The following SDCCAG8 variants were observed in gnomAD, a reference collection of about 807,000 sequenced individuals.
The protein encoded by SDCCAG8 is serologically defined colon cancer antigen 8.
A neutral mutation model predicts 101.8 loss-of-function variants in SDCCAG8; 74 were observed. That is an observed-to-expected ratio of 0.73 (90% CI 0.60 to 0.88). The LOEUF (loss-of-function observed/expected upper bound fraction) is 0.88. Among genes scored for constraint, SDCCAG8 ranks in the 40% least tolerant of loss-of-function variants. The pLI, the probability that SDCCAG8 is intolerant of heterozygous loss-of-function variation, is 0.00. For synonymous variants in SDCCAG8, 281 were observed against 292.9 expected (o/e 0.96, Z 0.41); for missense variants, 787 against 822.6 (o/e 0.96, Z 0.53).
At chr1:243,295,471 C>T (rs950461746) in intron 6 of SDCCAG8, among the ~76,000 whole-genome samples, 4 of 152,098 alleles carry the variant, frequency 2.6e-5, no homozygotes, top group Admixed American at 1.3e-4. Flanking sequence ...CTCCTGACCT[C>T]GTAATCCACC....
intron 12 of SDCCAG8, among the ~76,000 whole-genome samples, chr1:243,368,653 C>T (rs2077122121): frequency 6.6e-6 from 1 of 152,090 alleles, no homozygotes; most frequent in Non-Finnish European, 1.5e-5. Context: ...GTCTTTCCTA[C>T]AGATACAGTA....
intron 16 of SDCCAG8, among the ~76,000 whole-genome samples, chr1:243,480,262 C>T (rs1367549317): frequency 2.0e-5 from 3 of 146,570 alleles, no homozygotes; most frequent in Non-Finnish European, 4.5e-5. Context: ...GGCAGCTGGA[C>T]TTCAAGAGTG....
intron 17 of SDCCAG8, among the ~76,000 whole-genome samples, chr1:243,489,772 A>G (rs1665921429): frequency 6.6e-6 from 1 of 152,204 alleles, no homozygotes; most frequent in South Asian, 2.1e-4. Context: ...GCTGGCAAGT[A>G]GGGACACCGC....
At chr1:243,347,117 G>A (rs1444694525) in intron 12 of SDCCAG8, among the ~76,000 whole-genome samples, 2 of 151,156 alleles carry the variant, frequency 1.3e-5, no homozygotes, top group African/African-American at 2.4e-5. Flanking sequence ...TGTCCTCATC[G>A]TCACCTTCAT....
chr1:243,462,048 G>T (rs1659226438), intron 16 of SDCCAG8, among the ~76,000 whole-genome samples: 2 of 152,138 alleles, frequency 1.3e-5, no homozygotes, highest in South Asian at 4.1e-4. Flanking sequence ...TTATCCCATT[G>T]GTTCTTTACT....
intron 4 of SDCCAG8, among the ~76,000 whole-genome samples, chr1:243,276,043 T>G (rs898190430): frequency 5.3e-5 from 8 of 152,024 alleles, no homozygotes; most frequent in Admixed American, 4.6e-4. Flanking sequence ...TTTGTATTTT[T>G]TGTAGAGACG....
chr1:243,349,706 A>G (rs2075974298), intron 12 of SDCCAG8, among the ~76,000 whole-genome samples: 2 of 152,228 alleles, frequency 1.3e-5, no homozygotes, highest in Non-Finnish European at 2.9e-5. Flanking sequence ...TATTAGTGGC[A>G]CATGACTTAC....
chr1:243,345,869 A>T (rs1317833892), intron 12 of SDCCAG8, among the ~76,000 whole-genome samples: 1 of 152,234 alleles, frequency 6.6e-6, no homozygotes, highest in Non-Finnish European at 1.5e-5. Flanking sequence ...AGGATTTACA[A>T]GGAGCAGTTT....
chr1:243,307,616 C>CT (rs2072285003), intron 7 of SDCCAG8: 1 of 984,986 alleles, frequency 1.0e-6, no homozygotes, highest in African/African-American at 1.7e-5. Flanking sequence ...TACCCCACCC[C>CT]TTTTTTAAGG....
chr1:243,348,011 G>C (rs2075819857), intron 12 of SDCCAG8, among the ~76,000 whole-genome samples: 1 of 149,110 alleles, frequency 6.7e-6, no homozygotes, highest in African/African-American at 2.5e-5. Flanking sequence ...ACCAACCCAG[G>C]CTGGACATGC....
intron 12 of SDCCAG8, among the ~76,000 whole-genome samples, chr1:243,371,533 A>C (rs1361773433): frequency 6.6e-6 from 1 of 152,172 alleles, no homozygotes; most frequent in African/African-American, 2.4e-5. Flanking sequence ...AGCTGGTATC[A>C]GTGTTACTAT....
At chr1:243,340,109 C>A (rs1402367987) in intron 10 of SDCCAG8, among the ~76,000 whole-genome samples, 4 of 152,114 alleles carry the variant, frequency 2.6e-5, no homozygotes, top group Non-Finnish European at 5.9e-5. Context: ...CATTGGAAAG[C>A]CATTTATTCT....
chr1:243,438,416 A>G lies in SDCCAG8; in HGVS notation c.1985+11858A>G, dbSNP rs79860478. Among the ~76,000 whole-genome samples the G allele has an allele frequency of 8.9e-3, 1,356 of 152,188 alleles. 27 individuals are homozygous for G. Among genetic ancestry groups the G allele is most frequent in the African/African-American group, 0.032 (1,308 of 41,514 alleles). On this transcript the variant is annotated intron_variant, in intron 16 of 17. Coordinates refer to ENST00000366541, the MANE Select transcript of SDCCAG8 (RefSeq NM_006642.5). ...AGTCATGTCACCTTTTGGAATTTAC[A>G]TCAGCTAGTTACCTTGCAACCTCAG...
rs1289275011 is a variant in SDCCAG8 at position 243,426,513 on chromosome 1, A to T, written c.1940A>T (p.Glu647Val). The change falls in exon 16 of 18, where the codon GAA (glutamate) becomes GTA (valine). Residue 647 changes from glutamate to valine, a missense_variant. Glu to Val is a moderately radical substitution (Grantham distance 121, BLOSUM62 -2). Coordinates refer to ENST00000366541, the MANE Select transcript of SDCCAG8 (RefSeq NM_006642.5). ...KLQRRNEELE[E>V]QCVQHGRVHE... ...CAGAGAAGAAATGAAGAATTGGAGG[A>T]ACAGTGTGTCCAGCATGGGAGAGTA... The T allele has an allele frequency of 6.2e-7, 1 of 1,614,020 alleles. No homozygotes were observed. The highest frequency in any genetic ancestry group is 2.2e-5 in the East Asian group (1 of 44,838).
chr1:243,310,095 C>T (rs1372755248), intron 8 of SDCCAG8, among the ~76,000 whole-genome samples: 1 of 152,094 alleles, frequency 6.6e-6, no homozygotes, highest in Non-Finnish European at 1.5e-5. Context: ...ATCTCTTGAC[C>T]TCATGATCCA....
At chr1:243,317,567 C>A (rs555484883) in intron 9 of SDCCAG8, among the ~76,000 whole-genome samples, 1 of 152,140 alleles carries the variant, frequency 6.6e-6, no homozygotes, top group Non-Finnish European at 1.5e-5. Flanking sequence ...GTGATCTGCC[C>A]ATCTCGTCCT....
chr1:243,496,784 GAACTT>G (rs1260455481), intron 17 of SDCCAG8, among the ~76,000 whole-genome samples: 3 of 152,244 alleles, frequency 2.0e-5, no homozygotes, highest in Non-Finnish European at 4.4e-5. Flanking sequence ...CTTACACTCA[GAACTT>G]AACAAACTTT....
intron 13 of SDCCAG8, among the ~76,000 whole-genome samples, chr1:243,387,568 G>A (rs2078387765): frequency 6.6e-6 from 1 of 152,120 alleles, no homozygotes; most frequent in South Asian, 2.1e-4. Context: ...TTGACCTATA[G>A]GATTTGTGTC....
At chr1:243,378,194 T>C (rs2077714213) in intron 12 of SDCCAG8, among the ~76,000 whole-genome samples, 1 of 151,932 alleles carries the variant, frequency 6.6e-6, no homozygotes, top group Non-Finnish European at 1.5e-5. Flanking sequence ...TCCTGGATTA[T>C]TTTTTCCAAG....
Sources: gnomAD v4.1 joint callset for allele counts (sites outside exome capture counted in the v4.1 genomes callset) on GRCh38, gnomAD v4.1.1 for gene constraint, MANE v1.5 for transcripts, NCBI Gene and HGNC (gene_info 2026-07-23, HGNC 2026-07-21) for gene names.